CC2D2A: variants seen among roughly 807,000 people sequenced by gnomAD.
CC2D2A encodes the protein coiled-coil and C2 domain-containing protein 2A.
CC2D2A carries 155 observed loss-of-function variants against 212.9 expected under a neutral mutation model. That is an observed-to-expected ratio of 0.73 (90% confidence interval 0.64 to 0.83). The LOEUF (loss-of-function observed/expected upper bound fraction) is 0.83. CC2D2A is among the 40% of genes least tolerant of loss of function. The pLI is 0.00. For missense variants in CC2D2A, 1,856 were observed against 1,956.2 expected (o/e 0.95, Z 0.97); for synonymous variants, 667 against 686.5 (o/e 0.97, Z 0.44).
At chr4:15,560,020 T>A (rs1363997073) in intron 22 of CC2D2A, among the ~76,000 whole-genome samples, 5 of 151,952 alleles carry the variant, frequency 3.3e-5, no homozygotes, top group Non-Finnish European at 7.4e-5. Flanking sequence ...TTTGTAGAGA[T>A]GGGGTTTTGC....
intron 4 of CC2D2A, chr4:15,481,814 CAAAGG>C (rs1363781418): frequency 8.1e-6 from 8 of 985,190 alleles, no homozygotes; most frequent in African/African-American, 1.7e-5. Flanking sequence ...TGCAGAAACT[CAAAGG>C]AAGATGAAAT....
chr4:15,586,103 C>T, intron 30 of CC2D2A, 54 bp from the exon 31 acceptor site: 1 of 1,222,204 alleles, frequency 8.2e-7, no homozygotes. Context: ...GTAGGGGATG[C>T]AGCATTCTGT....
chr4:15,576,819 AAAG>A lies in CC2D2A; in HGVS notation c.3771+2495_3771+2497del, dbSNP rs1303592233. ...CTTTTGGCCCATTTCATTTTACCAG[AAAG>A]ACTGTTAGTTAGCTTTGAATCTAAG... On this transcript the variant is annotated intron_variant, in intron 29 of 36. Transcript: ENST00000424120. 2.6e-5 allele frequency among the ~76,000 whole-genome samples: 4 copies of A among 152,198 alleles called. No individual in the cohort carries two copies. In the East Asian group the frequency reaches 7.7e-4, roughly 29 times the overall value.
chr4:15,583,775 C>T (rs1720747368), intron 30 of CC2D2A, among the ~76,000 whole-genome samples: 2 of 151,872 alleles, frequency 1.3e-5, no homozygotes, highest in Non-Finnish European at 2.9e-5. Flanking sequence ...TGGTGTAACC[C>T]CGTCTCTACT....
chr4:15,597,476 A>G lies in CC2D2A; in HGVS notation c.4496+11A>G. 1 of 1,548,364 alleles carries G rather than the reference A, an allele frequency of 6.5e-7. No homozygotes were observed. Among genetic ancestry groups the G allele is most frequent in the South Asian group, 1.2e-5 (1 of 84,044 alleles). ...TGAGCTACAAGACAGGTAACATAACATCCATAAATCCACATGTAATCTGTC... is the reference window on the plus strand; with the variant it reads ...TGAGCTACAAGACAGGTAACATAACGTCCATAAATCCACATGTAATCTGTC... On this transcript the variant is annotated intron_variant, in intron 35 of 36. Coordinates refer to ENST00000424120, the MANE Select transcript of CC2D2A (RefSeq NM_001378615.1).
chr4:15,506,855 CGAG>C (rs1321611935), intron 6 of CC2D2A, among the ~76,000 whole-genome samples: 2 of 151,614 alleles, frequency 1.3e-5, no homozygotes, highest in Admixed American at 1.3e-4. Context: ...GGGCGGATCA[CGAG>C]GTCAGGAGTT....
chr4:15,509,554 A>C (rs1263608596), intron 6 of CC2D2A, among the ~76,000 whole-genome samples: 1 of 152,206 alleles, frequency 6.6e-6, no homozygotes, highest in Non-Finnish European at 1.5e-5. Context: ...GAGTTCAAGC[A>C]TGAGCCACTG....
At chr4:15,563,965 AG>A (rs530011026) in intron 24 of CC2D2A, 221 of 167,556 alleles carry the variant, frequency 1.3e-3, no homozygotes, top group Non-Finnish European at 2.1e-3. Context: ...AATCGCCGAT[AG>A]CCAGAGAGAC....
At chr4:15,485,516 T>C (rs988429203) in intron 4 of CC2D2A, among the ~76,000 whole-genome samples, 9 of 152,242 alleles carry the variant, frequency 5.9e-5, no homozygotes, top group Admixed American at 1.3e-4. Context: ...TTCTGGATCA[T>C]AGGGTAGTTC....
At position 15,537,968 on chromosome 4, in the gene CC2D2A, C is replaced by T. The variant is rs189132953; in HGVS notation, c.1834C>T (p.Pro612Ser). Residue 612 changes from proline to serine, a missense_variant, in exon 16 of 37, where the codon CCC (proline) becomes TCC (serine). By Grantham distance (74) the Pro-to-Ser change is moderately conservative. Around this residue, in one of 5 missense-constraint regions of CC2D2A, gnomAD observed 1,512 missense variants for 1,579.3 expected, o/e 0.96. Coordinates refer to ENST00000424120, the MANE Select transcript of CC2D2A (RefSeq NM_001378615.1). ...HPGDEIAEPYPEEDLVKPSPP... is the reference protein window; with the variant it reads ...HPGDEIAEPYSEEDLVKPSPP... ...CGGTGATGAGATTGCAGAGCCGTAT[C>T]CCGAGGAGGACCTTGTGAAGCCCAG... 1 of 1,610,392 alleles carries T rather than the reference C, an allele frequency of 6.2e-7. No homozygotes were observed. Among genetic ancestry groups the T allele is most frequent in the Admixed American group, 1.7e-5 (1 of 59,564 alleles).
At chr4:15,558,119 G>A (rs1028513667) in intron 21 of CC2D2A, among the ~76,000 whole-genome samples, 1 of 152,142 alleles carries the variant, frequency 6.6e-6, no homozygotes, top group Non-Finnish European at 1.5e-5. Context: ...CTGTGTAGGT[G>A]GGGCAGGCCA....
intron 14 of CC2D2A, 65 bp downstream of exon 14, chr4:15,533,398 T>C: frequency 8.4e-7 from 1 of 1,189,328 alleles, no homozygotes; most frequent in Non-Finnish European, 1.2e-6. Flanking sequence ...GTATAAAACA[T>C]GGATACAGTT....
intron 22 of CC2D2A, 103 bp downstream of exon 22, chr4:15,559,360 G>T: frequency 1.4e-6 from 1 of 701,362 alleles, no homozygotes; most frequent in Non-Finnish European, 2.4e-6. Flanking sequence ...GCTTATGCAA[G>T]CCACTTAGCT....
chr4:15,495,184 C>G (rs1245362269), intron 4 of CC2D2A, among the ~76,000 whole-genome samples: 1 of 152,206 alleles, frequency 6.6e-6, no homozygotes, highest in Non-Finnish European at 1.5e-5. Flanking sequence ...TCTTGGTTCA[C>G]TGCAGCCTCC....
chr4:15,537,145 C>A, intron 15 of CC2D2A, 69 bp downstream of exon 15: 1 of 1,446,754 alleles, frequency 6.9e-7, no homozygotes, highest in Admixed American at 2.0e-5. Flanking sequence ...GCCTCCAGTA[C>A]AGGAGTGGGG....
chr4:15,523,876 C>G (rs1295242838), intron 11 of CC2D2A, among the ~76,000 whole-genome samples: 8 of 152,186 alleles, frequency 5.3e-5, no homozygotes, highest in Admixed American at 4.6e-4. Flanking sequence ...TTTTTCCCCA[C>G]AGTTCACATT....
intron 8 of CC2D2A, among the ~76,000 whole-genome samples, chr4:15,512,168 C>A (rs1190777451): frequency 1.3e-5 from 2 of 152,170 alleles, no homozygotes; most frequent in Non-Finnish European, 2.9e-5. Flanking sequence ...CAAAAGTTAA[C>A]CACAGATTTA....
At chr4:15,562,436 C>T (rs1265286787) in intron 23 of CC2D2A, among the ~76,000 whole-genome samples, 2 of 152,220 alleles carry the variant, frequency 1.3e-5, no homozygotes, top group Non-Finnish European at 2.9e-5. Context: ...TCCTATGATT[C>T]ACTGACTCTG....
intron 9 of CC2D2A, 39 bp downstream of exon 9, chr4:15,514,908 C>A (rs375989973): frequency 2.3e-5 from 37 of 1,579,302 alleles, no homozygotes; most frequent in Non-Finnish European, 3.2e-5. Flanking sequence ...GCTTAGACAT[C>A]GTCACTTACC....
Sources: allele counts gnomAD v4.1 joint callset (sites outside exome capture counted in the v4.1 genomes callset), GRCh38; gene constraint gnomAD v4.1.1; regional missense constraint gnomAD v4.1.1; transcripts MANE v1.5; gene names NCBI Gene and HGNC (gene_info 2026-07-23, HGNC 2026-07-21).